ODAD1: variants seen among roughly 807,000 people sequenced by gnomAD.
ODAD1 encodes the protein outer dynein arm docking complex subunit 1, also known as outer dynein arm-docking complex subunit 1.
ODAD1 carries 49 observed loss-of-function variants against 67.2 expected under a neutral mutation model. The ratio of observed to expected loss-of-function variants is 0.73; its 90% CI spans 0.58 to 0.92. The LOEUF (loss-of-function observed/expected upper bound fraction) is 0.92, where lower values mean the gene tolerates loss of function less well. Among genes scored for constraint, ODAD1 ranks in the 40% least tolerant of loss-of-function variants. The probability of loss-of-function intolerance (pLI) is 0.00; values close to 1 mark genes in which losing one functional copy is unlikely to be tolerated. For missense variants in ODAD1, 897 were observed against 953.7 expected (o/e 0.94, Z 0.78); for synonymous variants, 345 against 393.7 (o/e 0.88, Z 1.46).
chr19:48,305,465 T>C (rs1968582697), intron 8 of ODAD1, among the ~76,000 whole-genome samples: 1 of 150,688 alleles, frequency 6.6e-6, no homozygotes, highest in African/African-American at 2.4e-5. Flanking sequence ...AATGCAGTGG[T>C]GCAATCTCGG....
chr19:48,306,227 C>T (rs1479515289), intron 8 of ODAD1, 29 bp downstream of exon 8: 19 of 1,550,962 alleles, frequency 1.2e-5, no homozygotes, highest in Non-Finnish European at 1.4e-5. Context: ...ATCTGGGTCC[C>T]GCCATCCCAG....
chr19:48,309,652 G>A (rs760283871), intron 7 of ODAD1, among the ~76,000 whole-genome samples: 13 of 152,186 alleles, frequency 8.5e-5, no homozygotes, highest in Non-Finnish European at 7.3e-5. Context: ...GGCCAAGGAG[G>A]TTTCCAGCCA....
At chr19:48,317,794 C>T (rs558398192) in intron 5 of ODAD1, among the ~76,000 whole-genome samples, 4 of 151,980 alleles carry the variant, frequency 2.6e-5, no homozygotes, top group Admixed American at 6.6e-5. Flanking sequence ...TTCTCCTGGC[C>T]GAGCACAGTG....
intron 7 of ODAD1, among the ~76,000 whole-genome samples, chr19:48,311,191 G>A (rs892774366): frequency 9.2e-5 from 14 of 152,074 alleles, no homozygotes; most frequent in South Asian, 6.2e-4. Flanking sequence ...CAGCCTGGAC[G>A]ACAGAGTGAG....
intron 7 of ODAD1, among the ~76,000 whole-genome samples, chr19:48,309,118 C>T (rs1025219807): frequency 1.1e-4 from 16 of 152,166 alleles, no homozygotes; most frequent in African/African-American, 3.1e-4. Context: ...CAGGCTCGAG[C>T]GTGTCTGCTC....
intron 3 of ODAD1, 48 bp from the exon 4 acceptor site, chr19:48,318,860 G>T: frequency 1.6e-6 from 2 of 1,213,044 alleles, no homozygotes; most frequent in Non-Finnish European, 2.4e-6. Context: ...CTGGCCACCA[G>T]CTCCTCCCAA....
At position 48,306,653 on chromosome 19, in the gene ODAD1, C is replaced by A. The variant is rs367953573; in HGVS notation, c.598-330G>T. Among the ~76,000 whole-genome samples, 6 of 152,202 alleles carry A rather than the reference C, an allele frequency of 3.9e-5. 1 individual carries two copies. Among genetic ancestry groups the A allele is most frequent in the African/African-American group, 1.4e-4 (6 of 41,524 alleles). ...TTTTGGAATAGTTTGATTTGAGAAC[C>A]TTGTTAATGTTTTACATATTCATAA... On this transcript the variant is annotated intron_variant, in intron 7 of 15. Transcript: ENST00000674294.
chr19:48,311,393 A>G (rs943417303), intron 7 of ODAD1, among the ~76,000 whole-genome samples, 160 bp downstream of exon 7: 1 of 152,160 alleles, frequency 6.6e-6, no homozygotes, highest in Non-Finnish European at 1.5e-5. Flanking sequence ...ATGTCCTCCA[A>G]CATTTCCCAG....
rs570888641 is a variant in ODAD1 at position 48,303,802 on chromosome 19, A to G, written c.854-18T>C. ...CTCCCCGGCTAGGGGAAGAGAGAAC[A>G]GCAGGTCGGCCTCCTGGGTGGCCTC... On this transcript the variant is annotated intron_variant, in intron 9 of 15. Coordinates refer to ENST00000674294, the MANE Select transcript of ODAD1 (RefSeq NM_001364171.2). The G allele has an allele frequency of 1.6e-5, 25 of 1,596,578 alleles. No homozygotes were observed. The South Asian group carries it at 2.8e-4, about 18-fold the overall frequency.
At position 48,321,788 on chromosome 19, in the gene ODAD1, GCTGA is replaced by G. The variant is rs1969034653; in HGVS notation, c.-178_-175del. 2.5e-6 allele frequency: 1 copy of G among 398,584 alleles called. No individual in the cohort carries two copies. The highest frequency in any genetic ancestry group is 2.1e-5 in the African/African-American group (1 of 48,646). 24.7% of individuals were successfully genotyped at this position (398,584 alleles called of 1,614,324 possible). A position where few individuals can be genotyped will look rare whatever the true frequency, so the allele number is the denominator to read the frequency against. On this transcript the variant is annotated 5_prime_UTR_variant, in exon 1 of 16. Coordinates refer to ENST00000674294, the MANE Select transcript of ODAD1 (RefSeq NM_001364171.2). ...GGAGCCCGAGAGGTGCCGGTCTTAA[GCTGA>G]CTGTGACCACGTTAAATTAAGGATT...
At chr19:48,321,593 G>A (rs1600878692) in intron 1 of ODAD1, 85 bp downstream of exon 1, 1 of 367,326 alleles carries the variant, frequency 2.7e-6, no homozygotes, top group Non-Finnish European at 4.8e-6. Flanking sequence ...TGAAGGGCGG[G>A]CTAATCGGGA....
chr19:48,297,653 A>AC lies in ODAD1; in HGVS notation c.1517dup (p.Glu508Ter), dbSNP rs766394527. 13 of 1,514,532 alleles carry AC rather than the reference A, an allele frequency of 8.6e-6. No homozygotes were observed. In the Admixed American group the frequency reaches 1.8e-4, roughly 22 times the overall value. The allele number at this position is 1,514,532 out of a possible 1,614,324, so 93.8% of individuals were successfully genotyped here. A position where few individuals can be genotyped will look rare whatever the true frequency, so the allele number is the denominator to read the frequency against. On this transcript the variant is annotated frameshift_variant, in exon 15 of 16. Transcript: ENST00000674294. LOFTEE classifies it high-confidence loss of function. ...TGGGGTAGTCATCGCTGGCCTCAAA[A>AC]CCCGGGGGGTCTTCTCTGGGGAGGG...
rs1968820279 is a variant in ODAD1 at position 48,313,443 on chromosome 19, A to G, written c.361-1327T>C. On this transcript the variant is annotated intron_variant, in intron 5 of 15. Coordinates refer to ENST00000674294, the MANE Select transcript of ODAD1 (RefSeq NM_001364171.2). ...CTCCATCTCAAAAAAAAAAAAAAAAAAAACCAAAAAAAAACCTCACATGTT... is the reference window on the plus strand; with the variant it reads ...CTCCATCTCAAAAAAAAAAAAAAAAGAAACCAAAAAAAAACCTCACATGTT... Among the ~76,000 whole-genome samples, 4 of 98,830 alleles carry G rather than the reference A, an allele frequency of 4.0e-5. No individual in the cohort carries two copies. The East Asian group carries it at 1.0e-3, about 25-fold the overall frequency. The allele number at this position is 98,830 out of a possible 152,430, so 64.8% of individuals were successfully genotyped here.
At chr19:48,316,765 C>T (rs1335308396) in intron 5 of ODAD1, among the ~76,000 whole-genome samples, 1 of 152,066 alleles carries the variant, frequency 6.6e-6, no homozygotes, top group African/African-American at 2.4e-5. Flanking sequence ...TGGGAGGCCA[C>T]GGTGAGTGGA....
chr19:48,317,032 G>C (rs969883291), intron 5 of ODAD1, among the ~76,000 whole-genome samples: 1 of 152,078 alleles, frequency 6.6e-6, no homozygotes, highest in Admixed American at 6.6e-5. Context: ...GTCTCTCTCT[G>C]TTGCCCAGGC....
rs1405207221 is a variant in ODAD1, at chr19:48,311,642, G to A, written c.508C>T (p.Leu170=). The A allele has an allele frequency of 4.5e-6, 7 of 1,550,742 alleles. No individual in the cohort carries two copies. Among genetic ancestry groups the A allele is most frequent in the Non-Finnish European group, 6.1e-6 (7 of 1,146,146 alleles). Residue 170 remains leucine (L), a synonymous_variant, in exon 7 of 16, where the codon CTG becomes TTG. Transcript: ENST00000674294. The stretch of plus-strand genomic sequence containing the variant: ...TCCCGCAGGGCCGCATTCCGTACCA[G>A]CTGGTTGTCAAAGTGACAGGTGACC... ...DRVTCHFDNQ[L]VRNAALREEL... is the part of the protein sequence containing the mutation.
chr19:48,301,124 A>G (rs1968452400), intron 12 of ODAD1: 2 of 152,436 alleles, frequency 1.3e-5, no homozygotes, highest in African/African-American at 2.4e-5. Flanking sequence ...ACTGCATCTC[A>G]AAAACAAAAC....
rs774176250 is a variant in ODAD1 at position 48,297,688 on chromosome 19, T to C, written c.1503-20A>G. On this transcript the variant is annotated intron_variant, in intron 14 of 15. Coordinates refer to ENST00000674294, the MANE Select transcript of ODAD1 (RefSeq NM_001364171.2). ...TCTTCTCTGGGGAGGGGAAGGAAAATTGGAAAAGACTAGACCTCAGCCCTC... is the reference window on the plus strand; with the variant it reads ...TCTTCTCTGGGGAGGGGAAGGAAAACTGGAAAAGACTAGACCTCAGCCCTC... 2.7e-6 allele frequency: 4 copies of C among 1,488,096 alleles called. No individual in the cohort carries two copies. The highest frequency in any genetic ancestry group is 3.6e-6 in the Non-Finnish European group (4 of 1,116,736). The allele number at this position is 1,488,096 out of a possible 1,614,324, so 92.2% of individuals were successfully genotyped here. A position where few individuals can be genotyped will look rare whatever the true frequency, so the allele number is the denominator to read the frequency against.
At chr19:48,317,458 A>C (rs1968928829) in intron 5 of ODAD1, among the ~76,000 whole-genome samples, 1 of 152,098 alleles carries the variant, frequency 6.6e-6, no homozygotes, top group Admixed American at 6.6e-5. Context: ...TTGCAGATGA[A>C]GAAACTAGGG....
Sources: allele counts gnomAD v4.1 joint callset (sites outside exome capture counted in the v4.1 genomes callset), GRCh38; gene constraint gnomAD v4.1.1; transcripts MANE v1.5; gene names NCBI Gene and HGNC (gene_info 2026-07-23, HGNC 2026-07-21).